USP43: variants seen among roughly 807,000 people sequenced by gnomAD.
USP43 encodes ubiquitin carboxyl-terminal hydrolase 43.
In USP43, 33 loss-of-function variants were observed where a neutral mutation model predicts 90.7. That is an observed-to-expected ratio of 0.36 (90% confidence interval 0.28 to 0.49). USP43 has a LOEUF of 0.49. Among genes scored for constraint, USP43 ranks in the 20% least tolerant of loss-of-function variants. The pLI is 0.98. For missense variants in USP43, 1,274 were observed against 1,476.4 expected (o/e 0.86, Z 2.25); for synonymous variants, 598 against 615.8 (o/e 0.97, Z 0.43).
intron 14 of USP43, among the ~76,000 whole-genome samples, chr17:9,716,013 G>A (rs1430693820): frequency 6.6e-6 from 1 of 150,696 alleles, no homozygotes; most frequent in Non-Finnish European, 1.5e-5. Context: ...GTGTCTGTGT[G>A]TGTATGTGTC....
chr17:9,673,506 C>A (rs1430147930), intron 3 of USP43, among the ~76,000 whole-genome samples: 1 of 151,960 alleles, frequency 6.6e-6, no homozygotes, highest in East Asian at 1.9e-4. Flanking sequence ...GAGACTCCGT[C>A]TCCAAAAACA....
chr17:9,701,792 G>T lies in USP43; in HGVS notation c.2011+92G>T. The T allele has an allele frequency of 8.6e-7, 1 of 1,164,608 alleles. No homozygotes were observed. 72.1% of individuals were successfully genotyped at this position (1,164,608 alleles called of 1,614,324 possible). On this transcript the variant is annotated intron_variant, in intron 12 of 14. Coordinates refer to ENST00000285199, the MANE Select transcript of USP43 (RefSeq NM_153210.5). This position sits in a 1 kb window ranked among gnomAD's most constrained non-coding sequence, Gnocchi z 7.2. ...GTGTTGCTCAGATGCTGAGCTCCCTGGGGCACTTATTGAGATCCGACCCCT... is the reference window on the plus strand; with the variant it reads ...GTGTTGCTCAGATGCTGAGCTCCCTTGGGCACTTATTGAGATCCGACCCCT...
At chr17:9,710,651 C>T (rs749991139) in intron 13 of USP43, among the ~76,000 whole-genome samples, 4 of 151,656 alleles carry the variant, frequency 2.6e-5, no homozygotes, top group Non-Finnish European at 4.4e-5. Context: ...AGTACAGGCA[C>T]GTGCCACCAC....
In USP43 at chr17:9,693,258, G is replaced by A. The variant is rs753361430; in HGVS notation, c.1457+28G>A. The A allele has an allele frequency of 3.9e-6, 6 of 1,550,588 alleles. No homozygotes were observed. The South Asian group carries it at 5.7e-5, about 15-fold the overall frequency. On this transcript the variant is annotated intron_variant, in intron 9 of 14. Coordinates refer to ENST00000285199, the MANE Select transcript of USP43 (RefSeq NM_153210.5). Reference sequence around the variant, plus strand: ...AAGGGGGAAGGTCCAGGTTCAGTCAGCTAATGAACCCTTTCTTATTTTACC... The same window carrying A: ...AAGGGGGAAGGTCCAGGTTCAGTCAACTAATGAACCCTTTCTTATTTTACC...
At chr17:9,672,033 G>A (rs1219374318) in intron 3 of USP43, among the ~76,000 whole-genome samples, 1 of 151,912 alleles carries the variant, frequency 6.6e-6, no homozygotes, top group Non-Finnish European at 1.5e-5. Context: ...TTTTGCTCTT[G>A]TCACCCATGC....
In USP43 at chr17:9,686,675, T is replaced by C. The variant is rs1914611631; in HGVS notation, c.1242-123T>C. 1 of 744,646 alleles carries C rather than the reference T, an allele frequency of 1.3e-6. No homozygotes were observed. The highest frequency in any genetic ancestry group is 2.8e-5 in the Admixed American group (1 of 35,802). 46.1% of individuals were successfully genotyped at this position (744,646 alleles called of 1,614,324 possible). On this transcript the variant is annotated intron_variant, in intron 7 of 14. Transcript: ENST00000285199. This position sits in a 1 kb window ranked among gnomAD's most constrained non-coding sequence, Gnocchi z 5.5. The stretch of plus-strand genomic sequence containing the variant: ...TTTGGTTTTTTTTGCTGTTGAGTTT[T>C]TGTGCTTAGCTCTTGTCACTTATCC...
intron 4 of USP43, 41 bp from the exon 5 acceptor site, chr17:9,676,705 A>C: frequency 6.3e-7 from 1 of 1,592,826 alleles, no homozygotes; most frequent in South Asian, 1.1e-5. Context: ...TTCACAGTTC[A>C]TGTCAGTCCT....
intron 5 of USP43, among the ~76,000 whole-genome samples, chr17:9,677,611 C>T (rs1016785761): frequency 2.0e-5 from 3 of 152,224 alleles, no homozygotes; most frequent in African/African-American, 7.2e-5. Context: ...CGCCAAGCCA[C>T]ATGGCAGGAT....
intron 12 of USP43, among the ~76,000 whole-genome samples, chr17:9,706,430 T>C (rs1415110883): frequency 6.6e-6 from 1 of 152,142 alleles, no homozygotes; most frequent in Non-Finnish European, 1.5e-5. Context: ...TTTTTCACTC[T>C]AAGATTAAAA....
At chr17:9,688,550 C>T (rs1335116664) in intron 8 of USP43, among the ~76,000 whole-genome samples, 6 of 150,550 alleles carry the variant, frequency 4.0e-5, no homozygotes, top group African/African-American at 1.5e-4. Context: ...GGGGTTTCAC[C>T]ATGTTGGCCA....
In USP43 at chr17:9,667,001, T is replaced by C. The variant is rs188114962; in HGVS notation, c.740+250T>C. 1.6e-4 allele frequency among the ~76,000 whole-genome samples: 24 copies of C among 152,244 alleles called. No homozygotes were observed. In the East Asian group the frequency reaches 4.3e-3, roughly 27 times the overall value. On this transcript the variant is annotated intron_variant, in intron 3 of 14. Coordinates refer to ENST00000285199, the MANE Select transcript of USP43 (RefSeq NM_153210.5). Reference sequence around the variant, plus strand: ...ACTTGAAGGAGGGGTGATAAGAGGATGATTCCACAGAAGGTAAATGTGAGC... The same window carrying C: ...ACTTGAAGGAGGGGTGATAAGAGGACGATTCCACAGAAGGTAAATGTGAGC...
intron 5 of USP43, among the ~76,000 whole-genome samples, chr17:9,678,675 A>G (rs1018463817): frequency 1.3e-5 from 2 of 151,866 alleles, no homozygotes; most frequent in Admixed American, 1.3e-4. Context: ...TTATTTATTT[A>G]TGTCATCTTA....
chr17:9,700,093 G>C (rs1915485490), intron 9 of USP43, 79 bp from the exon 10 acceptor site: 2 of 1,337,928 alleles, frequency 1.5e-6, no homozygotes, highest in Non-Finnish European at 2.1e-6. Context: ...CTTGGGTTGT[G>C]GGGGAGACTG....
intron 14 of USP43, among the ~76,000 whole-genome samples, chr17:9,725,639 G>A (rs535077805): frequency 1.1e-4 from 17 of 152,298 alleles, no homozygotes; most frequent in South Asian, 4.1e-4. Context: ...CTGCCATCTC[G>A]AGAAAGAGGA....
chr17:9,720,965 C>A (rs1916922626), intron 14 of USP43, among the ~76,000 whole-genome samples: 1 of 152,186 alleles, frequency 6.6e-6, no homozygotes. Flanking sequence ...AGAACACCAC[C>A]TTTCCGGTAG....
rs1238378864 is a variant in USP43 at position 9,728,384 on chromosome 17, C to T, written c.2766C>T (p.Asp922=). 1.9e-6 allele frequency: 3 copies of T among 1,607,974 alleles called. No individual in the cohort carries two copies. The highest frequency in any genetic ancestry group is 1.1e-5 in the South Asian group (1 of 90,160). ...AACTCAAGGAAAATGCAGGGCAGGA[C>T]ATCAAGCTTCCCAGAAAGTTTGACC... The part of the protein sequence containing the change: ...ARKLKENAGQ[D]IKLPRKFDLP... The change falls in exon 15 of 15, where the codon GAC becomes GAT. Residue 922 remains aspartate (D), a synonymous_variant. Coordinates refer to ENST00000285199, the MANE Select transcript of USP43 (RefSeq NM_153210.5). This position sits in a 1 kb window ranked among gnomAD's most constrained non-coding sequence, Gnocchi z 6.2.
At chr17:9,696,220 G>A (rs1401955837) in intron 9 of USP43, among the ~76,000 whole-genome samples, 3 of 151,844 alleles carry the variant, frequency 2.0e-5, no homozygotes, top group Non-Finnish European at 4.4e-5. Context: ...TGCAACCCCC[G>A]CCTCCTGGAT....
At chr17:9,666,460 G>A (rs535616476) in intron 2 of USP43, among the ~76,000 whole-genome samples, 188 bp from the exon 3 acceptor site, 25 of 152,166 alleles carry the variant, frequency 1.6e-4, no homozygotes, top group African/African-American at 5.3e-4. Context: ...TTGTCCCAGA[G>A]AATTTGGGAG....
chr17:9,681,075 T>A (rs1361810825), intron 6 of USP43, among the ~76,000 whole-genome samples: 2 of 104,166 alleles, frequency 1.9e-5, no homozygotes, highest in African/African-American at 4.2e-5. Context: ...ATATTATATA[T>A]CATATATAAT....
Sources: gnomAD v4.1 joint callset for allele counts (sites outside exome capture counted in the v4.1 genomes callset) on GRCh38, gnomAD v4.1.1 for gene constraint, Gnocchi (gnomAD v3.1) non-coding constraint, MANE v1.5 for transcripts, NCBI Gene and HGNC (gene_info 2026-07-23, HGNC 2026-07-21) for gene names.